The following UNC5D variants were observed in gnomAD, a reference collection of about 807,000 sequenced individuals.
UNC5D encodes netrin receptor UNC5D.
A neutral mutation model predicts 105.4 loss-of-function variants in UNC5D; 39 were observed. The ratio of observed to expected loss-of-function variants is 0.37; its 90% confidence interval spans 0.29 to 0.48. The LOEUF is 0.48. Ranked by LOEUF, UNC5D falls within the 20% of genes least tolerant of loss-of-function variation. The pLI is 0.98. For missense variants in UNC5D, 991 were observed against 1,202.4 expected (o/e 0.82, Z 2.60); for synonymous variants, 452 against 450.4 (o/e 1.00, Z -0.04).
intron 1 of UNC5D, among the ~76,000 whole-genome samples, chr8:35,249,534 G>A (rs981894336): frequency 1.3e-5 from 2 of 149,650 alleles, no homozygotes; most frequent in Non-Finnish European, 3.0e-5. Flanking sequence ...CTCCAGTCTG[G>A]GCAATGGAGG....
intron 1 of UNC5D, among the ~76,000 whole-genome samples, chr8:35,392,246 C>T (rs1236050018): frequency 6.6e-6 from 1 of 152,170 alleles, no homozygotes; most frequent in Non-Finnish European, 1.5e-5. Flanking sequence ...ATCTCTGTCA[C>T]CCAGGCTGGA....
intron 1 of UNC5D, among the ~76,000 whole-genome samples, chr8:35,433,855 A>G (rs1202202153): frequency 6.6e-6 from 1 of 151,568 alleles, no homozygotes. Flanking sequence ...CTCAAAAAAA[A>G]AAAAAAGAAA....
chr8:35,555,866 A>T lies in UNC5D; in HGVS notation c.322+6356A>T, dbSNP rs530189667. Among the ~76,000 whole-genome samples, 328 of 142,154 alleles carry T rather than the reference A, an allele frequency of 2.3e-3. 5 individuals are homozygous for T. Among genetic ancestry groups the T allele is most frequent in the Admixed American group, 4.9e-3 (66 of 13,444 alleles). 93.3% of individuals were successfully genotyped at this position (142,154 alleles called of 152,430 possible). On this transcript the variant is annotated intron_variant, in intron 2 of 16. Coordinates refer to ENST00000404895, the MANE Select transcript of UNC5D (RefSeq NM_080872.4). The stretch of plus-strand genomic sequence containing the variant: ...AAAAAGAATAATTATAAAGATCTAT[A>T]AAAAAACAGCACACACACACACACA...
intron 1 of UNC5D, among the ~76,000 whole-genome samples, chr8:35,310,699 T>G (rs955515588): frequency 6.6e-6 from 1 of 152,100 alleles, no homozygotes; most frequent in Non-Finnish European, 1.5e-5. Flanking sequence ...ACATTCTAGA[T>G]AGTTTTTCTG....
chr8:35,249,033 A>T (rs1334412808), intron 1 of UNC5D, among the ~76,000 whole-genome samples: 18 of 23,650 alleles, frequency 7.6e-4, no homozygotes, highest in Admixed American at 3.7e-3. Context: ...ATGTTTATAT[A>T]ATATATATTA....
intron 1 of UNC5D, among the ~76,000 whole-genome samples, chr8:35,379,817 C>T (rs1328105346): frequency 2.0e-5 from 3 of 152,036 alleles, no homozygotes; most frequent in African/African-American, 7.3e-5. Context: ...TTTGCCTTTC[C>T]TAGTAGCCTA....
chr8:35,790,050 G>C (rs562747048), intron 16 of UNC5D, among the ~76,000 whole-genome samples: 22 of 152,080 alleles, frequency 1.4e-4, no homozygotes, highest in Non-Finnish European at 2.8e-4. Context: ...GGAGGTCAAG[G>C]CTGCAGTGAG....
intron 4 of UNC5D, among the ~76,000 whole-genome samples, chr8:35,606,384 G>A (rs1820296262): frequency 1.3e-5 from 2 of 152,204 alleles, no homozygotes. Context: ...AGAGTCTGGA[G>A]TTTGCATTAA....
intron 16 of UNC5D, among the ~76,000 whole-genome samples, chr8:35,784,399 T>C (rs1802645294): frequency 6.6e-6 from 1 of 152,068 alleles, no homozygotes; most frequent in Non-Finnish European, 1.5e-5. Flanking sequence ...TCTATAGGGC[T>C]GGGGAAATGA....
chr8:35,640,987 C>T (rs1380559558), intron 4 of UNC5D, among the ~76,000 whole-genome samples: 1 of 152,020 alleles, frequency 6.6e-6, no homozygotes, highest in Non-Finnish European at 1.5e-5. Context: ...TAGAGAACAT[C>T]CCTTTTCTTG....
intron 4 of UNC5D, among the ~76,000 whole-genome samples, chr8:35,625,490 G>A (rs1393950774): frequency 6.6e-6 from 1 of 152,206 alleles, no homozygotes; most frequent in African/African-American, 2.4e-5. Flanking sequence ...AAAGCTGGGA[G>A]AGCCGTTGCT....
intron 1 of UNC5D, among the ~76,000 whole-genome samples, chr8:35,520,655 A>C (rs1386760710): frequency 6.6e-6 from 1 of 152,150 alleles, no homozygotes; most frequent in Non-Finnish European, 1.5e-5. Context: ...TCAGCTAAAC[A>C]GTATGTTGTC....
At chr8:35,412,502 A>C (rs2128959187) in intron 1 of UNC5D, among the ~76,000 whole-genome samples, 1 of 151,774 alleles carries the variant, frequency 6.6e-6, no homozygotes. Context: ...AATCAGAAAG[A>C]TCTGACTTCT....
At chr8:35,271,730 TATACATATATATTTATACATGTATACATG>T (rs1805401800) in intron 1 of UNC5D, among the ~76,000 whole-genome samples, 3 of 125,686 alleles carry the variant, frequency 2.4e-5, no homozygotes, top group Non-Finnish European at 3.4e-5. Context: ...TGTATACATG[TATACATATATATTTATACATGTATACATG>T]TATACATATA....
chr8:35,265,920 G>A lies in UNC5D; in HGVS notation c.103+30033G>A, dbSNP rs992438206. Among the ~76,000 whole-genome samples the A allele has an allele frequency of 8.9e-4, 134 of 150,898 alleles. 2 individuals are homozygous for A. Among genetic ancestry groups the A allele is most frequent in the Non-Finnish European group, 9.7e-4 (66 of 67,836 alleles). On this transcript the variant is annotated intron_variant, in intron 1 of 16. Coordinates refer to ENST00000404895, the MANE Select transcript of UNC5D (RefSeq NM_080872.4). The stretch of plus-strand genomic sequence containing the variant: ...AATAATAATAATATATCTGGGATTA[G>A]CATCAAAATGTGTTAGAAATGTTAG...
chr8:35,599,386 C>T (rs1258824791), intron 4 of UNC5D, among the ~76,000 whole-genome samples: 1 of 152,010 alleles, frequency 6.6e-6, no homozygotes, highest in Non-Finnish European at 1.5e-5. Context: ...CCAAAAAGAA[C>T]AATAAGTTTG....
At chr8:35,523,666 A>G (rs553178884) in intron 1 of UNC5D, among the ~76,000 whole-genome samples, 134 of 137,046 alleles carry the variant, frequency 9.8e-4, no homozygotes, top group African/African-American at 3.6e-3. Flanking sequence ...TTCATTTTGA[A>G]GGCAGGGCTT....
intron 1 of UNC5D, among the ~76,000 whole-genome samples, chr8:35,262,565 A>G (rs1474511290): frequency 2.0e-5 from 3 of 152,140 alleles, no homozygotes; most frequent in Non-Finnish European, 4.4e-5. Flanking sequence ...TTTCACCCAA[A>G]CCTGAAGAGC....
Position 35,670,367 on chromosome 8 carries a change from A to AGAT in UNC5D, c.571-13178_571-13176dup, listed in dbSNP as rs564380554. Among the ~76,000 whole-genome samples the AGAT allele has an allele frequency of 2.4e-3, 370 of 152,254 alleles. 3 individuals are homozygous for AGAT. Among genetic ancestry groups the AGAT allele is most frequent in the African/African-American group, 8.0e-3 (332 of 41,556 alleles). ...GGGATTTTGTTTACCTATTTTTTAAAGATGGCATAATTTTGATTCTACTTT... is the reference window on the plus strand; with the variant it reads ...GGGATTTTGTTTACCTATTTTTTAAAGATGATGGCATAATTTTGATTCTACTTT... On this transcript the variant is annotated intron_variant, in intron 4 of 16. Coordinates refer to ENST00000404895, the MANE Select transcript of UNC5D (RefSeq NM_080872.4).
Sources: allele counts gnomAD v4.1 joint callset (sites outside exome capture counted in the v4.1 genomes callset), GRCh38; gene constraint gnomAD v4.1.1; transcripts MANE v1.5; gene names NCBI Gene and HGNC (gene_info 2026-07-23, HGNC 2026-07-21).